Variants in HEXB observed in about 807,000 individuals in gnomAD.
HEXB encodes hexosaminidase subunit beta.
Under a neutral mutation model 71.2 loss-of-function variants are expected in HEXB, and 51 were observed. The ratio of observed to expected loss-of-function variants is 0.72; its 90% CI spans 0.57 to 0.90. The LOEUF (loss-of-function observed/expected upper bound fraction) is 0.90, where lower values mean the gene tolerates loss of function less well. Among genes scored for constraint, HEXB ranks in the 40% least tolerant of loss-of-function variants. HEXB has a pLI of 0.00. For synonymous variants in HEXB, 266 were observed against 249.3 expected, an observed-to-expected ratio of 1.07 and a Z score of -0.63; for missense variants, 617 against 677.0, an observed-to-expected ratio of 0.91 and a Z score of 0.98.
chr5:74,662,314 A>G (rs1748341972), intron 1 of HEXB, among the ~76,000 whole-genome samples: 1 of 152,248 alleles, frequency 6.6e-6, no homozygotes, highest in Non-Finnish European at 1.5e-5. Context: ...ATTGCACAGT[A>G]TAATTTCCAT....
chr5:74,673,001 A>ATT (rs35317043), intron 1 of HEXB, among the ~76,000 whole-genome samples: 3 of 151,728 alleles, frequency 2.0e-5, no homozygotes, highest in Admixed American at 6.6e-5. Context: ...ATGGATTCAG[A>ATT]TTTTTTTTTC....
intron 5 of HEXB, among the ~76,000 whole-genome samples, chr5:74,704,252 G>T (rs1749327413): frequency 6.6e-6 from 1 of 152,044 alleles, no homozygotes; most frequent in South Asian, 2.1e-4. Flanking sequence ...ATATTTATCT[G>T]CACAATCCCC....
chr5:74,709,403 A>G (rs1306155874), intron 6 of HEXB, among the ~76,000 whole-genome samples: 1 of 152,188 alleles, frequency 6.6e-6, no homozygotes, highest in African/African-American at 2.4e-5. Context: ...AAGAGCAAAC[A>G]CATTCAAAAG....
At chr5:74,658,782 A>G (rs1244706901) in intron 1 of HEXB, among the ~76,000 whole-genome samples, 2 of 152,144 alleles carry the variant, frequency 1.3e-5, no homozygotes, top group African/African-American at 2.4e-5. Flanking sequence ...CCTAATCTGT[A>G]TCCTTTTCCT....
chr5:74,700,001 C>CTTTTTTTTTTTTTTTTTTTTTTTTTTT (rs58177670), intron 5 of HEXB, among the ~76,000 whole-genome samples: 1 of 40,336 alleles, frequency 2.5e-5, no homozygotes, highest in African/African-American at 9.9e-5. Flanking sequence ...TGTAAGTTTC[C>CTTTTTTTTTTTTTTTTTTTTTTTTTTT]TTTTTTTTTT....
intron 1 of HEXB, among the ~76,000 whole-genome samples, chr5:74,648,717 A>T (rs1343698026): frequency 6.6e-6 from 1 of 152,236 alleles, no homozygotes; most frequent in Non-Finnish European, 1.5e-5. Flanking sequence ...ATCGGCATAC[A>T]TGTTCATTTT....
chr5:74,701,606 A>C (rs1294999276), intron 5 of HEXB, among the ~76,000 whole-genome samples: 2 of 152,084 alleles, frequency 1.3e-5, no homozygotes, highest in Non-Finnish European at 2.9e-5. Flanking sequence ...CTATAGCTTT[A>C]GCAGTTTTTA....
chr5:74,656,800 C>T (rs1427881752), intron 1 of HEXB, among the ~76,000 whole-genome samples: 1 of 152,048 alleles, frequency 6.6e-6, no homozygotes, highest in African/African-American at 2.4e-5. Flanking sequence ...TTAGTGGAGA[C>T]GGGGTTTCAC....
intron 5 of HEXB, among the ~76,000 whole-genome samples, chr5:74,702,076 T>A (rs892897641): frequency 1.2e-4 from 15 of 122,828 alleles, no homozygotes; most frequent in African/African-American, 3.4e-4. Flanking sequence ...TCTTTTTTTT[T>A]TTTTTTTTTT....
chr5:74,652,851 A>AG lies in HEXB; in HGVS notation c.-377+12298dup, dbSNP rs1388415575. On this transcript the variant is annotated intron_variant, in intron 1 of 13. Transcript: ENST00000511181. This position sits in a 1 kb window ranked among gnomAD's most constrained non-coding sequence, Gnocchi z 5.4. ...TCCCAGGCCCATCCCATAAGGAGCA[A>AG]GGGGGAAAAGCCTCCCTCTTGGGCG... 2.6e-5 allele frequency among the ~76,000 whole-genome samples: 4 copies of AG among 152,178 alleles called. No homozygotes were observed. The highest frequency in any genetic ancestry group is 5.9e-5 in the Non-Finnish European group (4 of 68,024).
chr5:74,666,570 C>T (rs889929623), intron 1 of HEXB, among the ~76,000 whole-genome samples: 1 of 152,168 alleles, frequency 6.6e-6, no homozygotes, highest in Non-Finnish European at 1.5e-5. Flanking sequence ...TTCCCCAACT[C>T]CCCCACTCCC....
In HEXB at chr5:74,719,072, C is replaced by G. The variant is rs988382889; in HGVS notation, c.1417+101C>G. 6.5e-6 allele frequency: 7 copies of G among 1,083,516 alleles called. No homozygotes were observed. In the Admixed American group the frequency reaches 1.1e-4, roughly 16 times the overall value. The allele number at this position is 1,083,516 out of a possible 1,614,324, so 67.1% of individuals were successfully genotyped here. A position where few individuals can be genotyped will look rare whatever the true frequency, so the allele number is the denominator to read the frequency against. On this transcript the variant is annotated intron_variant, in intron 11 of 13. Transcript: ENST00000261416. ...TGTTTTATGAGTTTTCTTCCCTAAC[C>G]TCCCACCCCAGAAGTCTTTACCTAG...
chr5:74,719,096 A>G, intron 11 of HEXB, 125 bp downstream of exon 11: 1 of 820,166 alleles, frequency 1.2e-6, no homozygotes, highest in Non-Finnish European at 2.1e-6. Context: ...GTCTTTACCT[A>G]GATATTACCT....
At chr5:74,688,924 G>A (rs957151415) in intron 1 of HEXB, among the ~76,000 whole-genome samples, 10 of 152,266 alleles carry the variant, frequency 6.6e-5, no homozygotes, top group Non-Finnish European at 1.2e-4. Flanking sequence ...CTCACATACA[G>A]AGAAACGAAG....
At chr5:74,703,173 G>A (rs1048612801) in intron 5 of HEXB, among the ~76,000 whole-genome samples, 6 of 152,144 alleles carry the variant, frequency 3.9e-5, no homozygotes, top group African/African-American at 9.7e-5. Context: ...GGCTGGTCCC[G>A]AGCTCCTAGC....
upstream of HEXB, among the ~76,000 whole-genome samples, chr5:74,683,027 TG>T (rs1183457414): frequency 2.0e-5 from 3 of 152,162 alleles, no homozygotes; most frequent in African/African-American, 7.2e-5. Context: ...GAAATGCGAT[TG>T]GGCAAAAAGG....
At chr5:74,673,072 A>T (rs1369019275) in intron 1 of HEXB, among the ~76,000 whole-genome samples, 5 of 152,252 alleles carry the variant, frequency 3.3e-5, no homozygotes, top group Non-Finnish European at 7.3e-5. Context: ...TTATATAAAT[A>T]GTATTCATTA....
At chr5:74,661,563 GTC>G (rs371926437) in intron 1 of HEXB, among the ~76,000 whole-genome samples, 21 of 133,802 alleles carry the variant, frequency 1.6e-4, no homozygotes, top group African/African-American at 3.3e-4. Flanking sequence ...GTGTGTGTGT[GTC>G]TCTCTCTCTC....
chr5:74,669,807 A>G (rs1336613109), intron 1 of HEXB, among the ~76,000 whole-genome samples: 2 of 152,204 alleles, frequency 1.3e-5, no homozygotes, highest in East Asian at 1.9e-4. Context: ...ATGAAAAGTC[A>G]TATCTCAATT....
Sources: allele counts gnomAD v4.1 joint callset (sites outside exome capture counted in the v4.1 genomes callset), GRCh38; gene constraint gnomAD v4.1.1; non-coding constraint Gnocchi (gnomAD v3.1); transcripts MANE v1.5; gene names NCBI Gene and HGNC (gene_info 2026-07-23, HGNC 2026-07-21).